Variants in AGBL4 observed in about 807,000 individuals in gnomAD.
AGBL4 encodes AGBL carboxypeptidase 4, also known as cytosolic carboxypeptidase 6.
A neutral mutation model predicts 66.4 loss-of-function variants in AGBL4; 58 were observed. The ratio of observed to expected loss-of-function variants is 0.87; its 90% CI spans 0.71 to 1.09. The LOEUF (loss-of-function observed/expected upper bound fraction) is 1.09, where lower values mean the gene tolerates loss of function less well. Among genes scored for constraint, AGBL4 ranks in the 50% least tolerant of loss-of-function variants. The pLI is 0.00. For missense variants in AGBL4, 579 were observed against 631.0 expected (o/e 0.92, Z 0.88); for synonymous variants, 234 against 222.9 (o/e 1.05, Z -0.44).
chr1:48,736,402 T>C lies in AGBL4; in HGVS notation c.635-73161A>G. The stretch of plus-strand genomic sequence containing the variant: ...ACTTGGAATCTCCTTGGGTTACTTG[T>C]AGCTGGTGCCATTTCTCCTCATCAA... On this transcript the variant is annotated intron_variant, in intron 6 of 13. Coordinates refer to ENST00000371839, the MANE Select transcript of AGBL4 (RefSeq NM_032785.4). This position sits in a 1 kb window ranked among gnomAD's most constrained non-coding sequence, Gnocchi z 4.0. 1 of 1,614,190 alleles carries C rather than the reference T, an allele frequency of 6.2e-7. No homozygotes were observed. Among genetic ancestry groups the C allele is most frequent in the Non-Finnish European group, 8.5e-7 (1 of 1,180,022 alleles).
chr1:48,546,864 A>AACAAACACACACAC (rs767539394), intron 11 of AGBL4, among the ~76,000 whole-genome samples: 5 of 128,298 alleles, frequency 3.9e-5, no homozygotes, highest in Admixed American at 7.7e-5. Context: ...AAAACAAACA[A>AACAAACACACACAC]ACACACACAC....
At chr1:48,603,402 A>C (rs1196271252) in intron 9 of AGBL4, among the ~76,000 whole-genome samples, 2 of 152,130 alleles carry the variant, frequency 1.3e-5, no homozygotes, top group Non-Finnish European at 2.9e-5. Flanking sequence ...CCAGGGAGTC[A>C]AAGAATGCAG....
At chr1:50,002,115 G>A (rs1660798549) in intron 1 of AGBL4, among the ~76,000 whole-genome samples, 1 of 151,874 alleles carries the variant, frequency 6.6e-6, no homozygotes, top group African/African-American at 2.4e-5. Flanking sequence ...GTTCTTTGTG[G>A]GCAGTTTATT....
intron 1 of AGBL4, among the ~76,000 whole-genome samples, chr1:49,986,029 A>C (rs1314263910): frequency 1.3e-5 from 2 of 152,140 alleles, no homozygotes; most frequent in Non-Finnish European, 2.9e-5. Context: ...TAACATAAGA[A>C]ATCTCTTGAG....
intron 5 of AGBL4, among the ~76,000 whole-genome samples, chr1:48,902,681 C>T (rs753564214): frequency 2.6e-5 from 4 of 152,144 alleles, no homozygotes; most frequent in Non-Finnish European, 5.9e-5. Context: ...CCCATTATCA[C>T]ATCCCTGGTT....
At chr1:49,527,238 C>T (rs1650733035) in intron 3 of AGBL4, 1 of 152,060 alleles carries the variant, frequency 6.6e-6, no homozygotes, top group Non-Finnish European at 1.5e-5. Context: ...CACGACCATT[C>T]CTCAAGGTCC....
At chr1:48,910,115 A>G (rs1386681687) in intron 5 of AGBL4, among the ~76,000 whole-genome samples, 4 of 152,244 alleles carry the variant, frequency 2.6e-5, no homozygotes, top group African/African-American at 9.6e-5. Context: ...TTTTGTCTCA[A>G]TGTATAATAC....
At chr1:49,504,878 A>G (rs1258068533) in intron 3 of AGBL4, among the ~76,000 whole-genome samples, 2 of 151,738 alleles carry the variant, frequency 1.3e-5, no homozygotes, top group Non-Finnish European at 2.9e-5. Context: ...TACTACCACC[A>G]TTTTTGTTGT....
chr1:48,647,475 G>T (rs1173075214), intron 8 of AGBL4: 1 of 281,174 alleles, frequency 3.6e-6, no homozygotes, highest in Non-Finnish European at 7.3e-6. Flanking sequence ...TTAAATACCA[G>T]TTATTCTGAG....
At chr1:49,539,011 A>G (rs1651811087) in intron 3 of AGBL4, among the ~76,000 whole-genome samples, 1 of 152,312 alleles carries the variant, frequency 6.6e-6, no homozygotes, top group Non-Finnish European at 1.5e-5. Context: ...TATCATTTAT[A>G]GCAAGAAATA....
At chr1:48,719,636 G>GA (rs1370324723) in intron 6 of AGBL4, among the ~76,000 whole-genome samples, 10 of 152,252 alleles carry the variant, frequency 6.6e-5, no homozygotes, top group Middle Eastern at 6.8e-3. Flanking sequence ...TTCATACCTT[G>GA]AAACATCTGA....
At chr1:48,972,388 G>C (rs537320542) in intron 5 of AGBL4, among the ~76,000 whole-genome samples, 1 of 152,288 alleles carries the variant, frequency 6.6e-6, no homozygotes, top group East Asian at 1.9e-4. Context: ...TTAGGTCTCA[G>C]TCCATGGACA....
chr1:49,483,670 C>G (rs115540923), intron 3 of AGBL4, among the ~76,000 whole-genome samples: 1,959 of 152,004 alleles, frequency 0.013, 45 homozygotes, highest in African/African-American at 0.046. Flanking sequence ...AGGAACCTCT[C>G]CAGGACATAG....
chr1:49,541,518 C>T (rs932555343), intron 3 of AGBL4, among the ~76,000 whole-genome samples: 8 of 152,200 alleles, frequency 5.3e-5, no homozygotes, highest in Non-Finnish European at 5.9e-5. Context: ...CCAGCAGTGC[C>T]GGCCTGCCGG....
intron 3 of AGBL4, among the ~76,000 whole-genome samples, chr1:49,418,916 T>C (rs1052552878): frequency 6.6e-6 from 1 of 152,174 alleles, no homozygotes; most frequent in Admixed American, 6.5e-5. Context: ...TGTTAAAATA[T>C]CATTATGGCT....
chr1:49,089,513 T>C (rs923335678), intron 4 of AGBL4, among the ~76,000 whole-genome samples: 18 of 152,138 alleles, frequency 1.2e-4, no homozygotes, highest in Non-Finnish European at 2.2e-4. Context: ...AATGATTACA[T>C]TTCTTGAAAT....
chr1:48,785,141 G>A (rs893140523), intron 6 of AGBL4, among the ~76,000 whole-genome samples: 2 of 152,118 alleles, frequency 1.3e-5, no homozygotes, highest in Non-Finnish European at 2.9e-5. Flanking sequence ...ACTAGCTCCA[G>A]TCCTTCTTAC....
chr1:49,431,054 G>A (rs1274646109), intron 3 of AGBL4, among the ~76,000 whole-genome samples: 1 of 152,156 alleles, frequency 6.6e-6, no homozygotes, highest in Non-Finnish European at 1.5e-5. Context: ...GGACATTGAG[G>A]TAGTTTTCAG....
intron 3 of AGBL4, among the ~76,000 whole-genome samples, chr1:49,555,875 A>T (rs1461343119): frequency 6.6e-6 from 1 of 152,074 alleles, no homozygotes; most frequent in African/African-American, 2.4e-5. Flanking sequence ...AAAGTCAGGA[A>T]ACAACAGGTG....
Sources: allele counts gnomAD v4.1 joint callset (sites outside exome capture counted in the v4.1 genomes callset), GRCh38; gene constraint gnomAD v4.1.1; non-coding constraint Gnocchi (gnomAD v3.1); transcripts MANE v1.5; gene names NCBI Gene and HGNC (gene_info 2026-07-23, HGNC 2026-07-21).